Variants in SLC38A9 observed in about 807,000 individuals in gnomAD.
SLC38A9 encodes the protein solute carrier family 38 member 9.
SLC38A9 carries 48 observed loss-of-function variants against 62.3 expected under a neutral mutation model. The observed-to-expected ratio is 0.77, with a 90% CI of 0.61 to 0.98. The LOEUF is 0.98. Among genes scored for constraint, SLC38A9 ranks in the 50% least tolerant of loss-of-function variants. SLC38A9 has a pLI of 0.00. For synonymous variants in SLC38A9, 204 were observed against 227.7 expected, an observed-to-expected ratio of 0.90 and a Z score of 0.94; for missense variants, 541 against 679.8, an observed-to-expected ratio of 0.80 and a Z score of 2.27.
chr5:55,692,923 C>A, intron 3 of SLC38A9: 1 of 979,944 alleles, frequency 1.0e-6, no homozygotes, highest in South Asian at 4.7e-5. Context: ...CTATAAATGA[C>A]AATGATAAAT....
At position 55,664,824 on chromosome 5, in the gene SLC38A9, C is replaced by G. The variant is rs771725077; in HGVS notation, c.566G>C (p.Cys189Ser). 1.3e-6 allele frequency: 2 copies of G among 1,570,166 alleles called. No homozygotes were observed. Among genetic ancestry groups the G allele is most frequent in the South Asian group, 2.4e-5 (2 of 82,210 alleles). ...CCCAAAGGAGCCGAAATAATGTCTG[C>G]AGACATCTGGATATTCCCAGCTAGT... is the stretch of plus-strand genomic sequence containing the variant. ...DTTSWEYPDV[C>S]RHYFGSFGQW... Residue 189 changes from cysteine to serine, a missense_variant, in exon 8 of 16, where the codon TGC becomes TCC. Coordinates refer to ENST00000396865, the MANE Select transcript of SLC38A9 (RefSeq NM_173514.4).
At chr5:55,678,652 T>G (rs1419139452) in intron 3 of SLC38A9, among the ~76,000 whole-genome samples, 2 of 131,482 alleles carry the variant, frequency 1.5e-5, no homozygotes, top group Non-Finnish European at 3.3e-5. Flanking sequence ...GAACTTTTTT[T>G]TTTTTTTTTT....
rs550800180 is a variant in SLC38A9 at position 55,697,562 on chromosome 5, AT to A, written c.113+283del. Reference sequence around the variant, plus strand: ...CATATTACCTTGCGCAAAGTGGGTAATCAATACATATTTGTTAAATGAATTA... The same window carrying A: ...CATATTACCTTGCGCAAAGTGGGTAACAATACATATTTGTTAAATGAATTA... On this transcript the variant is annotated intron_variant, in intron 3 of 15. Coordinates refer to ENST00000396865, the MANE Select transcript of SLC38A9 (RefSeq NM_173514.4). 1.3e-3 allele frequency among the ~76,000 whole-genome samples: 197 copies of A among 152,164 alleles called. 1 individual carries two copies. The highest frequency in any genetic ancestry group is 0.01 in the Middle Eastern group (3 of 294).
intron 14 of SLC38A9, among the ~76,000 whole-genome samples, chr5:55,631,088 A>G (rs944700671): frequency 6.6e-6 from 1 of 152,156 alleles, no homozygotes; most frequent in Non-Finnish European, 1.5e-5. Context: ...AGCCAAGATC[A>G]TGCCACTGCA....
At position 55,681,767 on chromosome 5, in the gene SLC38A9, C is replaced by T. The variant is rs374883434; in HGVS notation, c.114-9072G>A. On this transcript the variant is annotated intron_variant, in intron 3 of 15. Coordinates refer to ENST00000396865, the MANE Select transcript of SLC38A9 (RefSeq NM_173514.4). ...CCCTATGGTTGCTGACATTAGAGTC[C>T]TTCTGTGCAGACCAGGGGTCGGTAC... 4.1e-4 allele frequency among the ~76,000 whole-genome samples: 62 copies of T among 152,282 alleles called. No homozygotes were observed. The South Asian group carries it at 0.012, about 31-fold the overall frequency.
At chr5:55,643,478 A>T (rs879621017) in intron 12 of SLC38A9, among the ~76,000 whole-genome samples, 6 of 152,172 alleles carry the variant, frequency 3.9e-5, no homozygotes, top group Non-Finnish European at 8.8e-5. Flanking sequence ...AAATGTTCTT[A>T]TGTATTTAAG....
intron 3 of SLC38A9, 152 bp from the exon 4 acceptor site, chr5:55,672,847 A>G: frequency 1.5e-6 from 1 of 659,108 alleles, no homozygotes; most frequent in South Asian, 2.2e-5. Flanking sequence ...AGAAAATGTT[A>G]CAAAAGAAGT....
At chr5:55,638,863 A>C (rs1744913118) in intron 12 of SLC38A9, among the ~76,000 whole-genome samples, 1 of 152,232 alleles carries the variant, frequency 6.6e-6, no homozygotes, top group Admixed American at 6.5e-5. Flanking sequence ...AAAACCAAAC[A>C]AAAGAAGCAC....
At chr5:55,670,976 A>G (rs1284250600) in intron 4 of SLC38A9, among the ~76,000 whole-genome samples, 4 of 152,240 alleles carry the variant, frequency 2.6e-5, no homozygotes, top group African/African-American at 9.6e-5. Flanking sequence ...TTTATTTCAC[A>G]TAGCTATTGT....
At position 55,688,014 on chromosome 5, in the gene SLC38A9, T is replaced by C. The variant is rs182684603; in HGVS notation, c.113+9832A>G. 3.7e-3 allele frequency among the ~76,000 whole-genome samples: 567 copies of C among 152,242 alleles called. 10 individuals carry two copies. Among genetic ancestry groups the C allele is most frequent in the Admixed American group, 0.034 (518 of 15,296 alleles). ...ACCCGGCCGGTATTTTAGTTTTTTG[T>C]AGCAATTGTGAATGGGAGTTCATTC... On this transcript the variant is annotated intron_variant, in intron 3 of 15. Transcript: ENST00000396865.
chr5:55,701,496 A>G (rs1368040618), intron 2 of SLC38A9, among the ~76,000 whole-genome samples: 1 of 152,168 alleles, frequency 6.6e-6, no homozygotes, highest in Non-Finnish European at 1.5e-5. Flanking sequence ...TTTTCCTTCA[A>G]ATATATCCAG....
intron 3 of SLC38A9, among the ~76,000 whole-genome samples, chr5:55,690,077 T>G (rs1754507011): frequency 6.6e-6 from 1 of 152,092 alleles, no homozygotes; most frequent in Non-Finnish European, 1.5e-5. Context: ...ACAATGAATT[T>G]GTAAGAATAA....
intron 11 of SLC38A9, among the ~76,000 whole-genome samples, chr5:55,647,970 T>C (rs1746692582): frequency 6.6e-6 from 1 of 152,186 alleles, no homozygotes; most frequent in Non-Finnish European, 1.5e-5. Context: ...CCGGGTGTGG[T>C]GGCTCACACC....
At chr5:55,698,602 T>C (rs1009854969) in intron 2 of SLC38A9, among the ~76,000 whole-genome samples, 2 of 152,170 alleles carry the variant, frequency 1.3e-5, no homozygotes, top group Non-Finnish European at 2.9e-5. Context: ...AGAAGTAAAA[T>C]GGCTTATTCC....
intron 8 of SLC38A9, among the ~76,000 whole-genome samples, chr5:55,659,491 C>A (rs11745522): frequency 0.6 from 90,099 of 150,786 alleles, 27,503 homozygotes; most frequent in South Asian, 0.7. Flanking sequence ...GGGTTCAAGC[C>A]ATTCTCCTGC....
intron 3 of SLC38A9, among the ~76,000 whole-genome samples, chr5:55,689,008 T>C (rs1317891921): frequency 2.6e-5 from 4 of 152,124 alleles, no homozygotes; most frequent in African/African-American, 4.8e-5. Context: ...TTGATAGACA[T>C]AAGTAAAAAC....
At chr5:55,701,273 C>A (rs1485754471) in intron 2 of SLC38A9, among the ~76,000 whole-genome samples, 1 of 152,202 alleles carries the variant, frequency 6.6e-6, no homozygotes, top group Non-Finnish European at 1.5e-5. Context: ...CAACTGCCTA[C>A]TCAACATCTT....
intron 4 of SLC38A9, 141 bp downstream of exon 4, chr5:55,672,422 A>T (rs1315920875): frequency 2.3e-6 from 2 of 864,816 alleles, no homozygotes; most frequent in African/African-American, 3.4e-5. Flanking sequence ...ATGTGTGTTA[A>T]TTACTATCTT....
rs371959491 is a variant in SLC38A9 at position 55,660,099 on chromosome 5, GTTTGCTAGA to G, written c.698-3334_698-3326del. On this transcript the variant is annotated intron_variant, in intron 8 of 15. Transcript: ENST00000396865. ...TTTAGAATCAGTAAGAGTTCAGCAAGTTTGCTAGATTAAAGATAAACATTCAAGGGGCAG... is the reference window on the plus strand; with the variant it reads ...TTTAGAATCAGTAAGAGTTCAGCAAGTTAAAGATAAACATTCAAGGGGCAG... Among the ~76,000 whole-genome samples the G allele has an allele frequency of 6.3e-3, 938 of 148,826 alleles. 9 individuals carry two copies. The highest frequency in any genetic ancestry group is 0.022 in the African/African-American group (909 of 40,766).
Sources: allele counts gnomAD v4.1 joint callset (sites outside exome capture counted in the v4.1 genomes callset), GRCh38; gene constraint gnomAD v4.1.1; transcripts MANE v1.5; gene names NCBI Gene and HGNC (gene_info 2026-07-23, HGNC 2026-07-21).